Variants in SORL1 observed in about 807,000 individuals in gnomAD.
SORL1 encodes sortilin related receptor 1.
A neutral mutation model predicts 273.7 loss-of-function variants in SORL1; 127 were observed. That is an observed-to-expected ratio of 0.46 (90% CI 0.40 to 0.54). SORL1 has a LOEUF of 0.54. SORL1 is among the 20% of genes least tolerant of loss of function. SORL1 has a pLI of 0.00. For synonymous variants in SORL1, 1,031 were observed against 1,067.4 expected (o/e 0.97, Z 0.66); for missense variants, 2,494 against 2,846.1 (o/e 0.88, Z 2.81).
chr11:121,528,717 A>G (rs955110893), intron 11 of SORL1, among the ~76,000 whole-genome samples: 8 of 152,188 alleles, frequency 5.3e-5, no homozygotes, highest in Admixed American at 1.3e-4. Context: ...AATTTCCTAT[A>G]GTCAGAGAAG....
intron 6 of SORL1, among the ~76,000 whole-genome samples, chr11:121,502,038 G>A (rs1185493730): frequency 6.7e-6 from 1 of 148,252 alleles, no homozygotes; most frequent in African/African-American, 2.5e-5. Flanking sequence ...TGCTGTGAAT[G>A]TTCGTGTGCA....
At chr11:121,603,714 A>G (rs1420198421) in intron 32 of SORL1, among the ~76,000 whole-genome samples, 1 of 152,238 alleles carries the variant, frequency 6.6e-6, no homozygotes, top group Non-Finnish European at 1.5e-5. Context: ...TACTCAAACC[A>G]GAAATCAGCT....
chr11:121,627,551 G>A lies in SORL1; in HGVS notation c.6365-4G>A, dbSNP rs999373289. The A allele has an allele frequency of 1.2e-6, 2 of 1,613,662 alleles. No individual in the cohort carries two copies. Among genetic ancestry groups the A allele is most frequent in the Non-Finnish European group, 1.7e-6 (2 of 1,179,604 alleles). On this transcript the variant is annotated splice_polypyrimidine_tract_variant and splice_region_variant and intron_variant, in intron 46 of 47. Coordinates refer to ENST00000260197, the MANE Select transcript of SORL1 (RefSeq NM_003105.6). The surrounding 1 kb of genome is among the most constrained non-coding windows in gnomAD (Gnocchi z 4.9). ...GCTTATTGGTGGGAACTTTGCCTTG[G>A]CAGGTGCAGATGCATCTGCAACGCA... is the stretch of plus-strand genomic sequence containing the variant.
chr11:121,629,290 G>T, intron 47 of SORL1: 1 of 524,746 alleles, frequency 1.9e-6, no homozygotes, highest in Non-Finnish European at 3.4e-6. Flanking sequence ...TAAATGTGAG[G>T]ATCCATCGAT....
chr11:121,555,054 A>G, intron 17 of SORL1, 133 bp from the exon 18 acceptor site: 1 of 959,278 alleles, frequency 1.0e-6, no homozygotes. Context: ...GTGTCTGGAA[A>G]GTTTACTAAC....
intron 6 of SORL1, among the ~76,000 whole-genome samples, chr11:121,511,769 C>T (rs1008961015): frequency 1.5e-4 from 23 of 152,172 alleles, no homozygotes; most frequent in African/African-American, 5.1e-4. Flanking sequence ...CAGCTGGGTC[C>T]TCACAGTATT....
In SORL1 at chr11:121,478,032, CAAAAAAAAAAA is replaced by C. The variant is rs55896588; in HGVS notation, c.403-76_403-66del. The C allele has an allele frequency of 4.8e-6, 5 of 1,046,570 alleles. No individual in the cohort carries two copies. The East Asian group carries it at 1.3e-4, about 27-fold the overall frequency. The allele number at this position is 1,046,570 out of a possible 1,614,324, so 64.8% of individuals were successfully genotyped here. On this transcript the variant is annotated intron_variant, in intron 2 of 47. Transcript: ENST00000260197. The stretch of plus-strand genomic sequence containing the variant: ...GGGCAAAAAGAGTGAAACTCAGTCT[CAAAAAAAAAAA>C]AAAAAAAAAGAAAGATCTTTCTGCC...
Position 121,476,875 on chromosome 11 carries a change from G to A in SORL1, c.403-1243G>A, listed in dbSNP as rs186881271. 2.3e-4 allele frequency among the ~76,000 whole-genome samples: 35 copies of A among 150,186 alleles called. No individual in the cohort carries two copies. In the East Asian group the frequency reaches 6.7e-3, roughly 29 times the overall value. ...GGTGTGATCATGGCTCACTGCAGCC[G>A]GAAACTCCTGGGCTTAAGTGATCTT... On this transcript the variant is annotated intron_variant, in intron 2 of 47. Coordinates refer to ENST00000260197, the MANE Select transcript of SORL1 (RefSeq NM_003105.6).
chr11:121,616,628 T>C (rs945401076), intron 41 of SORL1, among the ~76,000 whole-genome samples: 1 of 152,212 alleles, frequency 6.6e-6, no homozygotes, highest in Non-Finnish European at 1.5e-5. Flanking sequence ...CCCCTTTGAG[T>C]CCCTCAGCGC....
At chr11:121,580,189 A>T (rs1044347515) in intron 25 of SORL1, among the ~76,000 whole-genome samples, 1 of 152,194 alleles carries the variant, frequency 6.6e-6, no homozygotes, top group Non-Finnish European at 1.5e-5. Flanking sequence ...CAACTCTGGG[A>T]AGTTACAGCT....
chr11:121,494,995 A>G (rs960496608), intron 5 of SORL1, among the ~76,000 whole-genome samples: 1 of 152,230 alleles, frequency 6.6e-6, no homozygotes, highest in Admixed American at 6.5e-5. Context: ...CTCCCACACT[A>G]GGACCAAAGC....
At position 121,627,851 on chromosome 11, in the gene SORL1, C is replaced by T; in HGVS notation, c.6577+84C>T. 1.1e-6 allele frequency: 1 copy of T among 912,888 alleles called. No individual in the cohort carries two copies. The highest frequency in any genetic ancestry group is 1.6e-5 in the South Asian group (1 of 61,550). The allele number at this position is 912,888 out of a possible 1,614,324, so 56.5% of individuals were successfully genotyped here. On this transcript the variant is annotated intron_variant, in intron 47 of 47. Transcript: ENST00000260197. This position sits in a 1 kb window ranked among gnomAD's most constrained non-coding sequence, Gnocchi z 4.9. ...GACTTGATTAGGAAACACCCACCTT[C>T]AGCTCCTCTTTTGACCCTGGAGGAG... is the stretch of plus-strand genomic sequence containing the variant.
In SORL1 at chr11:121,466,671, C is replaced by G. The variant is rs559899200; in HGVS notation, c.286-3336C>G. On this transcript the variant is annotated intron_variant, in intron 1 of 47. Coordinates refer to ENST00000260197, the MANE Select transcript of SORL1 (RefSeq NM_003105.6). The stretch of plus-strand genomic sequence containing the variant: ...TCAGCCTGCCTGCTGGCTCCCCTGT[C>G]CTGCGCGCATCCATTCCTGATTCCT... Among the ~76,000 whole-genome samples the G allele has an allele frequency of 2.6e-5, 4 of 152,260 alleles. No homozygotes were observed. The South Asian group carries it at 8.3e-4, about 32-fold the overall frequency.
chr11:121,562,532 C>T (rs1862692119), intron 21 of SORL1, among the ~76,000 whole-genome samples: 2 of 152,206 alleles, frequency 1.3e-5, no homozygotes, highest in African/African-American at 4.8e-5. Context: ...GTGAATCCTC[C>T]CTTTGTCCAG....
intron 47 of SORL1, chr11:121,629,102 A>G (rs1863838506): frequency 5.5e-6 from 1 of 181,576 alleles, no homozygotes; most frequent in Non-Finnish European, 1.2e-5. Context: ...CCTTTTCCTC[A>G]GAGCACTTTG....
At position 121,630,039 on chromosome 11, in the gene SORL1, A is replaced by C. The variant is rs1213984106; in HGVS notation, c.*476A>C. 2 of 161,898 alleles carry C rather than the reference A, an allele frequency of 1.2e-5. No individual in the cohort carries two copies. The highest frequency in any genetic ancestry group is 2.7e-5 in the Non-Finnish European group (2 of 73,984). 10.0% of individuals were successfully genotyped at this position (161,898 alleles called of 1,614,324 possible). A position where few individuals can be genotyped will look rare whatever the true frequency, so the allele number is the denominator to read the frequency against. On this transcript the variant is annotated 3_prime_UTR_variant, in exon 48 of 48. Coordinates refer to ENST00000260197, the MANE Select transcript of SORL1 (RefSeq NM_003105.6). The stretch of plus-strand genomic sequence containing the variant: ...TTATGGCGGAAGGTTTCTTTATGTT[A>C]TTTTGTTAATTTATTGGGACTCTGT...
chr11:121,514,082 G>A (rs765594734), intron 7 of SORL1, 70 bp from the exon 8 acceptor site: 37 of 1,492,360 alleles, frequency 2.5e-5, no homozygotes, highest in Admixed American at 2.0e-4. Context: ...CATTGCTTCC[G>A]TGTGTATAGT....
intron 1 of SORL1, among the ~76,000 whole-genome samples, chr11:121,458,066 A>G (rs1043908219): frequency 6.6e-6 from 1 of 152,204 alleles, no homozygotes; most frequent in African/African-American, 2.4e-5. Context: ...TGTTCCACCC[A>G]CTGTAATGGA....
At chr11:121,532,391 G>C (rs959300250) in intron 11 of SORL1, 73 bp from the exon 12 acceptor site, 71 of 1,341,032 alleles carry the variant, frequency 5.3e-5, no homozygotes, top group Non-Finnish European at 6.7e-5. Context: ...GTGCATGCCT[G>C]TGGGCATGTG....
Sources: gnomAD v4.1 joint callset for allele counts (sites outside exome capture counted in the v4.1 genomes callset) on GRCh38, gnomAD v4.1.1 for gene constraint, Gnocchi (gnomAD v3.1) non-coding constraint, MANE v1.5 for transcripts, NCBI Gene and HGNC (gene_info 2026-07-23, HGNC 2026-07-21) for gene names.